The following RAB27B variants were observed in gnomAD, a reference collection of about 807,000 sequenced individuals.
RAB27B encodes the protein ras-related protein Rab-27B.
A neutral mutation model predicts 24.6 loss-of-function variants in RAB27B; 15 were observed. The ratio of observed to expected loss-of-function variants is 0.61; its 90% confidence interval spans 0.41 to 0.94. The LOEUF is 0.94. Among genes scored for constraint, RAB27B ranks in the 40% least tolerant of loss-of-function variants. The pLI is 0.00. For missense variants in RAB27B, 261 were observed against 266.8 expected (o/e 0.98, Z 0.15); for synonymous variants, 105 against 92.5 (o/e 1.14, Z -0.78).
chr18:54,773,840 A>C (rs777292489), intron 2 of RAB27B, among the ~76,000 whole-genome samples: 36 of 151,806 alleles, frequency 2.4e-4, no homozygotes, highest in Non-Finnish European at 3.2e-4. Context: ...AGACCCGGCT[A>C]ATTTTTGTAT....
At chr18:54,887,493 C>G (rs1481303495) in intron 4 of RAB27B, among the ~76,000 whole-genome samples, 1 of 152,036 alleles carries the variant, frequency 6.6e-6, no homozygotes, top group Non-Finnish European at 1.5e-5. Flanking sequence ...TAGAAGAAAT[C>G]CCCTTAACCA....
Position 54,802,416 on chromosome 18 carries a change from GTGGTGAT to G in RAB27B, c.-19-75149_-19-75143del, listed in dbSNP as rs532586783. Among the ~76,000 whole-genome samples the G allele has an allele frequency of 1.1e-3, 171 of 151,456 alleles. 3 individuals carry two copies. The South Asian group carries it at 0.03, about 27-fold the overall frequency. ...CAGTGCCTGCTCTTGTATCTGGTAT[GTGGTGAT>G]TTAAGAGTCAACGTTTTTCTAGGAC... On this transcript the variant is annotated intron_variant, in intron 2 of 4. Coordinates refer to the RAB27B transcript ENST00000586570.
chr18:54,889,055 TTAC>T (rs1272811580), intron 5 of RAB27B, among the ~76,000 whole-genome samples, 166 bp from the exon 6 acceptor site: 1 of 152,160 alleles, frequency 6.6e-6, no homozygotes, highest in Non-Finnish European at 1.5e-5. Flanking sequence ...TCACCAATTT[TTAC>T]TCACTGAGGA....
Position 54,893,415 on chromosome 18 carries a change from A to G in RAB27B, c.*4002A>G, listed in dbSNP as rs902884342. ...CCTCTCTACTACCAAGCTTTAAGACATTAAAAGAAGTCTAGTGTATTTGAA... is the reference window on the plus strand; with the variant it reads ...CCTCTCTACTACCAAGCTTTAAGACGTTAAAAGAAGTCTAGTGTATTTGAA... On this transcript the variant is annotated 3_prime_UTR_variant, in exon 6 of 6. Coordinates refer to ENST00000262094, the MANE Select transcript of RAB27B (RefSeq NM_004163.4). 2 of 152,000 alleles carry G rather than the reference A, an allele frequency of 1.3e-5. No homozygotes were observed. Among genetic ancestry groups the G allele is most frequent in the African/African-American group, 2.4e-5 (1 of 41,390 alleles). The allele number at this position is 152,000 out of a possible 1,614,324, so 9.4% of individuals were successfully genotyped here. A position where few individuals can be genotyped will look rare whatever the true frequency, so the allele number is the denominator to read the frequency against.
rs538745929 is a variant in RAB27B at position 54,817,246 on chromosome 18, G to A, written c.-19-60321G>A. Reference sequence around the variant, plus strand: ...TGTGTGAAACTTTTATCAGCAGAATGAGTTATTTTAAAGCCTTCTATTTTG... The same window carrying A: ...TGTGTGAAACTTTTATCAGCAGAATAAGTTATTTTAAAGCCTTCTATTTTG... On this transcript the variant is annotated intron_variant, in intron 2 of 4. Coordinates refer to the RAB27B transcript ENST00000586570. Among the ~76,000 whole-genome samples, 7 of 152,284 alleles carry A rather than the reference G, an allele frequency of 4.6e-5. No individual in the cohort carries two copies. In the South Asian group the frequency reaches 1.2e-3, roughly 27 times the overall value.
At chr18:54,889,202 T>A in intron 5 of RAB27B, 22 bp from the exon 6 acceptor site, 1 of 1,584,072 alleles carries the variant, frequency 6.3e-7, no homozygotes, top group Non-Finnish European at 8.6e-7. Context: ...CTCAAAAATA[T>A]TTGCCATCCT....
At chr18:54,814,764 T>A (rs1910070746) in intron 2 of RAB27B, among the ~76,000 whole-genome samples, 1 of 152,230 alleles carries the variant, frequency 6.6e-6, no homozygotes, top group Non-Finnish European at 1.5e-5. Flanking sequence ...TAGATATATT[T>A]CAACATTTAA....
intron 2 of RAB27B, among the ~76,000 whole-genome samples, chr18:54,757,600 A>C (rs1397086739): frequency 6.6e-6 from 1 of 152,160 alleles, no homozygotes; most frequent in Admixed American, 6.6e-5. Context: ...CTAAGAACTG[A>C]ATATGAACAA....
intron 2 of RAB27B, among the ~76,000 whole-genome samples, chr18:54,771,722 CT>C (rs1362442861): frequency 2.0e-5 from 3 of 151,766 alleles, no homozygotes; most frequent in Admixed American, 2.0e-4. Context: ...TCACATTTGA[CT>C]TCATGAGTGG....
chr18:54,868,619 GTTGT>G (rs972747179), intron 1 of RAB27B, among the ~76,000 whole-genome samples: 1 of 151,510 alleles, frequency 6.6e-6, no homozygotes, highest in African/African-American at 2.4e-5. Flanking sequence ...TGTTGTTGTT[GTTGT>G]TTGTTTGTTT....
In RAB27B at chr18:54,894,724, A is replaced by G. The variant is rs1008189122; in HGVS notation, c.*5311A>G. ...TGTCAGGCTCAAAGGAGATATGTAT[A>G]AGAAAGTGGTTTGTAAATTATGTTC... On this transcript the variant is annotated 3_prime_UTR_variant, in exon 6 of 6. Transcript: ENST00000262094. The G allele has an allele frequency of 2.0e-5, 3 of 152,058 alleles. No individual in the cohort carries two copies. The highest frequency in any genetic ancestry group is 4.4e-5 in the Non-Finnish European group (3 of 67,960). The allele number at this position is 152,058 out of a possible 1,614,324, so 9.4% of individuals were successfully genotyped here. A position where few individuals can be genotyped will look rare whatever the true frequency, so the allele number is the denominator to read the frequency against.
chr18:54,866,989 G>T (rs1912256948), intron 1 of RAB27B, among the ~76,000 whole-genome samples: 1 of 152,104 alleles, frequency 6.6e-6, no homozygotes, highest in Non-Finnish European at 1.5e-5. Context: ...AAGAGTCAGA[G>T]AACAAAAAGA....
At chr18:54,806,873 T>C (rs1909806969) in intron 2 of RAB27B, among the ~76,000 whole-genome samples, 1 of 152,130 alleles carries the variant, frequency 6.6e-6, no homozygotes, top group Admixed American at 6.6e-5. Context: ...TTTGAGTAAA[T>C]ACAGTTGACC....
intron 1 of RAB27B, among the ~76,000 whole-genome samples, chr18:54,836,490 T>A (rs1910898762): frequency 6.6e-6 from 1 of 151,926 alleles, no homozygotes; most frequent in South Asian, 2.1e-4. Flanking sequence ...GTGAGGTTGA[T>A]TCTTAAAATC....
At chr18:54,770,313 C>T (rs997785618) in intron 2 of RAB27B, among the ~76,000 whole-genome samples, 1 of 152,052 alleles carries the variant, frequency 6.6e-6, no homozygotes, top group Non-Finnish European at 1.5e-5. Flanking sequence ...CTTGCATTAC[C>T]GCCCAAGCTC....
chr18:54,801,008 G>GTTTTTTTTTTTTT (rs11363761), intron 2 of RAB27B, among the ~76,000 whole-genome samples: 9 of 93,090 alleles, frequency 9.7e-5, no homozygotes, highest in African/African-American at 3.8e-4. Context: ...TTGTTCCTGT[G>GTTTTTTTTTTTTT]TTTTTTTTTT....
At chr18:54,850,793 TTAAA>T (rs1394483356) in intron 1 of RAB27B, among the ~76,000 whole-genome samples, 1 of 150,662 alleles carries the variant, frequency 6.6e-6, no homozygotes, top group Admixed American at 6.6e-5. Flanking sequence ...AAATATTAAT[TTAAA>T]TATTTTTAAA....
Position 54,810,519 on chromosome 18 carries a change from A to G in RAB27B, c.-19-67048A>G, listed in dbSNP as rs1294188519. ...GAGTTTGTAAGTGCTCACTAAATAA[A>G]TGTTGAATGAATGAATTAAAAAAAA... On this transcript the variant is annotated intron_variant, in intron 2 of 4. Coordinates refer to the RAB27B transcript ENST00000586570. Among the ~76,000 whole-genome samples, 3 of 152,088 alleles carry G rather than the reference A, an allele frequency of 2.0e-5. No individual in the cohort carries two copies. In the East Asian group the frequency reaches 5.8e-4, roughly 29 times the overall value.
intron 1 of RAB27B, among the ~76,000 whole-genome samples, chr18:54,856,987 A>G (rs569722754): frequency 6.6e-6 from 1 of 152,342 alleles, no homozygotes; most frequent in East Asian, 1.9e-4. Context: ...ACTACTGTAC[A>G]TGCATTTCCA....
Sources: allele counts gnomAD v4.1 joint callset (sites outside exome capture counted in the v4.1 genomes callset), GRCh38; gene constraint gnomAD v4.1.1; transcripts MANE v1.5; gene names NCBI Gene and HGNC (gene_info 2026-07-23, HGNC 2026-07-21).